The following RSPH1 variants were observed in gnomAD, a reference collection of about 807,000 sequenced individuals.
The protein encoded by RSPH1 is radial spoke head 1 homolog.
RSPH1 carries 32 observed loss-of-function variants against 44.2 expected under a neutral mutation model. The ratio of observed to expected loss-of-function variants is 0.72; its 90% confidence interval spans 0.55 to 0.97. The LOEUF (loss-of-function observed/expected upper bound fraction) is 0.97, where lower values mean the gene tolerates loss of function less well. Ranked by LOEUF, RSPH1 falls within the 50% of genes least tolerant of loss-of-function variation. RSPH1 has a pLI of 0.00. For synonymous variants in RSPH1, 134 were observed against 147.3 expected, an observed-to-expected ratio of 0.91 and a Z score of 0.65; for missense variants, 391 against 398.7, an observed-to-expected ratio of 0.98 and a Z score of 0.16.
chr21:42,487,036 A>C (rs1449680106), intron 3 of RSPH1, among the ~76,000 whole-genome samples: 1 of 152,012 alleles, frequency 6.6e-6, no homozygotes, highest in African/African-American at 2.4e-5. Context: ...CCAACATGCC[A>C]CTCTAACCCC....
At chr21:42,484,171 A>G (rs971381041) in intron 5 of RSPH1, among the ~76,000 whole-genome samples, 4 of 152,254 alleles carry the variant, frequency 2.6e-5, no homozygotes, top group African/African-American at 9.6e-5. Context: ...CATTAAAACA[A>G]TGAGATGACA....
chr21:42,491,290 GTGGTGTCAGAA>G (rs1421702421), intron 3 of RSPH1, among the ~76,000 whole-genome samples: 1 of 152,198 alleles, frequency 6.6e-6, no homozygotes, highest in African/African-American at 2.4e-5. Flanking sequence ...CTAACTCTGG[GTGGTGTCAGAA>G]TGGAGTTGCA....
intron 5 of RSPH1, among the ~76,000 whole-genome samples, chr21:42,483,787 ATT>A (rs2054153567): frequency 6.6e-6 from 1 of 151,944 alleles, no homozygotes; most frequent in South Asian, 2.1e-4. Context: ...CCTAGGGTAC[ATT>A]TAAATCTTTA....
chr21:42,478,817 T>A (rs1434778312), intron 6 of RSPH1, among the ~76,000 whole-genome samples: 2 of 152,132 alleles, frequency 1.3e-5, no homozygotes, highest in East Asian at 3.8e-4. Context: ...AACAGACAAA[T>A]GGATAAGCAA....
intron 6 of RSPH1, among the ~76,000 whole-genome samples, chr21:42,480,640 C>CAAAAAAA (rs780506820): frequency 2.6e-5 from 1 of 38,744 alleles, no homozygotes; most frequent in Non-Finnish European, 4.8e-5. Flanking sequence ...AACTCCATCT[C>CAAAAAAA]AAAAAAAAAA....
In RSPH1 at chr21:42,474,776, G is replaced by T. The variant is rs903924284; in HGVS notation, c.877+1122C>A. ...GGGTGCATTGCTACAGCGCTCAGGG[G>T]AATTACCGATCACGAAAGTCTATGC... On this transcript the variant is annotated intron_variant, in intron 8 of 8. Coordinates refer to ENST00000291536, the MANE Select transcript of RSPH1 (RefSeq NM_080860.4). This position sits in a 1 kb window ranked among gnomAD's most constrained non-coding sequence, Gnocchi z 5.2. 6.8e-6 allele frequency among the ~76,000 whole-genome samples: 1 copy of T among 148,066 alleles called. No homozygotes were observed. The highest frequency in any genetic ancestry group is 1.5e-5 in the Non-Finnish European group (1 of 67,970).
rs769258082 is a variant in RSPH1 at position 42,486,345 on chromosome 21, G to A, written c.365+26C>T. On this transcript the variant is annotated intron_variant, in intron 4 of 8. Coordinates refer to ENST00000291536, the MANE Select transcript of RSPH1 (RefSeq NM_080860.4). The stretch of plus-strand genomic sequence containing the variant: ...TGTTCTCATTACATAAGCAAATCCC[G>A]TTAAGACCCAAGATAGAAACCGAAC... The A allele has an allele frequency of 4.7e-5, 71 of 1,514,040 alleles. No individual in the cohort carries two copies. The East Asian group carries it at 1.4e-3, about 29-fold the overall frequency. The allele number at this position is 1,514,040 out of a possible 1,614,324, so 93.8% of individuals were successfully genotyped here.
chr21:42,484,819 T>C (rs929973652), intron 5 of RSPH1: 6 of 152,024 alleles, frequency 3.9e-5, no homozygotes, highest in African/African-American at 1.4e-4. Context: ...ATATAAACAA[T>C]GTATGGGTTT....
chr21:42,476,432 T>A (rs1290408348), intron 7 of RSPH1, among the ~76,000 whole-genome samples: 1 of 152,126 alleles, frequency 6.6e-6, no homozygotes, highest in Non-Finnish European at 1.5e-5. Context: ...AGCTTCCCAG[T>A]CACATGAGCC....
chr21:42,488,090 T>A (rs113599525), intron 3 of RSPH1, among the ~76,000 whole-genome samples: 189 of 152,206 alleles, frequency 1.2e-3, no homozygotes, highest in African/African-American at 4.0e-3. Flanking sequence ...CAAAAATTCA[T>A]GGAGAGAGGG....
chr21:42,481,482 C>T (rs555222757), intron 6 of RSPH1, among the ~76,000 whole-genome samples: 26 of 152,202 alleles, frequency 1.7e-4, no homozygotes, highest in Non-Finnish European at 3.8e-4. Context: ...TAGACCCAAA[C>T]AAGCCGTTCC....
chr21:42,482,801 C>A, intron 5 of RSPH1, 93 bp from the exon 6 acceptor site: 1 of 860,582 alleles, frequency 1.2e-6, no homozygotes. Flanking sequence ...CTCAAATCAC[C>A]AAATTGGGTA....
At chr21:42,478,027 G>C (rs1467228156) in intron 6 of RSPH1, among the ~76,000 whole-genome samples, 1 of 152,166 alleles carries the variant, frequency 6.6e-6, no homozygotes, top group African/African-American at 2.4e-5. Context: ...AAGGATTATG[G>C]GGAAAAATAA....
chr21:42,485,740 C>G lies in RSPH1; in HGVS notation c.430G>C (p.Gly144Arg). The G allele has an allele frequency of 6.2e-7, 1 of 1,614,170 alleles. No individual in the cohort carries two copies. ...GSKYVGTWVN[G>R]QQEGTAELIH... ...AGCTCGGCCGTGCCCTCCTGCTGTC[C>G]GTTCACCCAGGTGCCAACATACTTA... Residue 144 changes from glycine (G) to arginine (R), a missense_variant, in exon 5 of 9, where the codon GGA becomes CGA. Coordinates refer to ENST00000291536, the MANE Select transcript of RSPH1 (RefSeq NM_080860.4).
intron 6 of RSPH1, among the ~76,000 whole-genome samples, chr21:42,478,118 G>T (rs2054088857): frequency 6.6e-6 from 1 of 152,228 alleles, no homozygotes; most frequent in African/African-American, 2.4e-5. Flanking sequence ...TTCCGACAAT[G>T]GTGAGCAGCC....
Position 42,475,818 on chromosome 21 carries a change from T to C in RSPH1, c.877+80A>G. 7 of 1,516,124 alleles carry C rather than the reference T, an allele frequency of 4.6e-6. No homozygotes were observed. The South Asian group carries it at 7.1e-5, about 15-fold the overall frequency. 93.9% of individuals were successfully genotyped at this position (1,516,124 alleles called of 1,614,324 possible). ...CTGGGGCCCAGCTGAAGGCAGGCCTTGGTGAAGGGAAGGGGAATCCCACTG... is the reference window on the plus strand; with the variant it reads ...CTGGGGCCCAGCTGAAGGCAGGCCTCGGTGAAGGGAAGGGGAATCCCACTG... On this transcript the variant is annotated intron_variant, in intron 8 of 8. Coordinates refer to ENST00000291536, the MANE Select transcript of RSPH1 (RefSeq NM_080860.4).
chr21:42,484,979 A>G (rs1013226630), intron 5 of RSPH1: 1 of 152,304 alleles, frequency 6.6e-6, no homozygotes, highest in East Asian at 1.9e-4. Flanking sequence ...TAACACCATC[A>G]ATTTGCTCCG....
chr21:42,477,814 T>C lies in RSPH1; in HGVS notation c.574-370A>G, dbSNP rs17178087. Among the ~76,000 whole-genome samples, 158 of 152,382 alleles carry C rather than the reference T, an allele frequency of 1.0e-3. 1 individual carries two copies. Among genetic ancestry groups the C allele is most frequent in the African/African-American group, 3.7e-3 (152 of 41,592 alleles). ...CAGGAGTAAGTGGTCTTTTCAATTGTTCGGCCACATTTTGCAACTCTAATA... is the reference window on the plus strand; with the variant it reads ...CAGGAGTAAGTGGTCTTTTCAATTGCTCGGCCACATTTTGCAACTCTAATA... On this transcript the variant is annotated intron_variant, in intron 6 of 8. Coordinates refer to ENST00000291536, the MANE Select transcript of RSPH1 (RefSeq NM_080860.4).
At chr21:42,480,005 CAGG>C (rs1037392153) in intron 6 of RSPH1, among the ~76,000 whole-genome samples, 3 of 152,288 alleles carry the variant, frequency 2.0e-5, no homozygotes, top group East Asian at 3.9e-4. Context: ...TGGAGCAAAG[CAGG>C]AGAAGAGGCA....
Sources: allele counts gnomAD v4.1 joint callset (sites outside exome capture counted in the v4.1 genomes callset), GRCh38; gene constraint gnomAD v4.1.1; non-coding constraint Gnocchi (gnomAD v3.1); transcripts MANE v1.5; gene names NCBI Gene and HGNC (gene_info 2026-07-23, HGNC 2026-07-21).